Variants in PTPA observed in about 807,000 individuals in gnomAD.
The protein encoded by PTPA is serine/threonine-protein phosphatase 2A activator.
A neutral mutation model predicts 43.6 loss-of-function variants in PTPA; 13 were observed. That is an observed-to-expected ratio of 0.30 (90% confidence interval 0.19 to 0.47). The LOEUF is 0.47. Ranked by LOEUF, PTPA falls within the 20% of genes least tolerant of loss-of-function variation. PTPA has a pLI of 0.99. For synonymous variants in PTPA, 172 were observed against 158.2 expected, an observed-to-expected ratio of 1.09 and a Z score of -0.66; for missense variants, 329 against 411.9, an observed-to-expected ratio of 0.80 and a Z score of 1.74.
In PTPA at chr9:129,142,533, T is replaced by C. The variant is rs774016501; in HGVS notation, c.875T>C (p.Ile292Thr). ...PSWSKVNQGL[I>T]RMYKAECLEK... Reference sequence around the variant, plus strand: ...TGGTCCAAAGTGAACCAGGGTCTCATCCGCATGTATAAGGCCGAGGTGAGT... The same window carrying C: ...TGGTCCAAAGTGAACCAGGGTCTCACCCGCATGTATAAGGCCGAGGTGAGT... Residue 292 changes from isoleucine to threonine, a missense_variant, in exon 9 of 10, where the codon ATC becomes ACC. Transcript: ENST00000393370. The C allele has an allele frequency of 6.2e-7, 1 of 1,614,096 alleles. No individual in the cohort carries two copies. Among genetic ancestry groups the C allele is most frequent in the African/African-American group, 1.3e-5 (1 of 75,024 alleles).
At chr9:129,110,954 A>C (rs540751666), upstream of PTPA, 43 of 1,361,010 alleles carry the variant, frequency 3.2e-5, no homozygotes, top group East Asian at 1.8e-3. The surrounding 1 kb of genome is among the most constrained non-coding windows in gnomAD (Gnocchi z 5.3). Context: ...CGAGTCATTG[A>C]GACCTGTGGA....
At position 129,120,559 on chromosome 9, in the gene PTPA, A is replaced by G; in HGVS notation, c.78A>G (p.Pro26=). ...APPATQNFII[P]KKEIHTVPDM... ...CAGCCACTCAGAACTTCATCATTCC[A>G]AAAAAGGAGATCCACACAGTTCCAG... Residue 26 remains proline, a synonymous_variant, in exon 2 of 10, where the codon CCA becomes CCG. Transcript: ENST00000393370. The G allele has an allele frequency of 1.2e-6, 2 of 1,606,626 alleles. No individual in the cohort carries two copies. Among genetic ancestry groups the G allele is most frequent in the Non-Finnish European group, 1.7e-6 (2 of 1,176,542 alleles).
At chr9:129,113,840 T>C (rs931253621) in intron 1 of PTPA, among the ~76,000 whole-genome samples, 4 of 151,982 alleles carry the variant, frequency 2.6e-5, no homozygotes, top group Non-Finnish European at 5.9e-5. Context: ...AGGCAACCAC[T>C]GTTATCAGTG....
intron 9 of PTPA, among the ~76,000 whole-genome samples, 184 bp from the exon 10 acceptor site, chr9:129,147,203 G>A (rs1022410206): frequency 1.7e-4 from 26 of 152,052 alleles, no homozygotes; most frequent in African/African-American, 6.0e-4. Context: ...CGTGGGTCTC[G>A]TTGTGGAGTG....
At chr9:129,133,201 G>A (rs1031942490) in intron 5 of PTPA, among the ~76,000 whole-genome samples, 1 of 152,252 alleles carries the variant, frequency 6.6e-6, no homozygotes, top group African/African-American at 2.4e-5. Flanking sequence ...AGGCAGATGG[G>A]GCACCGCTCA....
intron 3 of PTPA, 89 bp downstream of exon 3, chr9:129,123,227 A>G (rs1024771565): frequency 1.7e-6 from 2 of 1,170,412 alleles, no homozygotes; most frequent in Non-Finnish European, 2.5e-6. Flanking sequence ...TAATCTCAGC[A>G]CCTTGGGAGG....
At chr9:129,145,283 A>G (rs541665337) in intron 9 of PTPA, among the ~76,000 whole-genome samples, 4 of 151,712 alleles carry the variant, frequency 2.6e-5, no homozygotes, top group African/African-American at 4.8e-5. Flanking sequence ...GTGAGCCGAG[A>G]TCATGCCACT....
chr9:129,112,408 G>A (rs1848586972), intron 1 of PTPA, among the ~76,000 whole-genome samples: 1 of 152,188 alleles, frequency 6.6e-6, no homozygotes, highest in Non-Finnish European at 1.5e-5. Flanking sequence ...CCCGACAGAG[G>A]CAAATAGGTT....
intron 1 of PTPA, among the ~76,000 whole-genome samples, chr9:129,113,129 T>C (rs1332700631): frequency 6.6e-6 from 1 of 151,720 alleles, no homozygotes; most frequent in African/African-American, 2.4e-5. Flanking sequence ...TGTCTCACTC[T>C]GTCCCCCAGG....
At position 129,111,421 on chromosome 9, in the gene PTPA, A is replaced by G. The variant is rs528248246; in HGVS notation, c.-180A>G. 8.2e-5 allele frequency: 101 copies of G among 1,234,250 alleles called. No individual in the cohort carries two copies. Among genetic ancestry groups the G allele is most frequent in the Non-Finnish European group, 1.0e-4 (100 of 980,912 alleles). The allele number at this position is 1,234,250 out of a possible 1,614,324, so 76.5% of individuals were successfully genotyped here. ...TGCTCCCTGAGCGCCCCGCACCGAC[A>G]TGGCGGCCGTCTTCGCTGTGGTGAC... On this transcript the variant is annotated 5_prime_UTR_variant, in exon 1 of 10. An upstream start codon of the reference 5' UTR is lost. Transcript: ENST00000393370.
chr9:129,134,599 CG>C (rs1341063401), intron 5 of PTPA, among the ~76,000 whole-genome samples, 195 bp from the exon 6 acceptor site: 1 of 152,112 alleles, frequency 6.6e-6, no homozygotes, highest in South Asian at 2.1e-4. Flanking sequence ...CCACCATGCA[CG>C]GCCAGTACTG....
chr9:129,119,152 A>C (rs1849086098), intron 1 of PTPA: 1 of 164,036 alleles, frequency 6.1e-6, no homozygotes, highest in Admixed American at 6.5e-5. Flanking sequence ...GTATGCAACC[A>C]CACCCAGCTA....
At position 129,120,467 on chromosome 9, in the gene PTPA, G is replaced by A. The variant is rs202239311; in HGVS notation, c.32-46G>A. 7 of 1,351,094 alleles carry A rather than the reference G, an allele frequency of 5.2e-6. No individual in the cohort carries two copies. The Admixed American group carries it at 1.1e-4, about 21-fold the overall frequency. The allele number at this position is 1,351,094 out of a possible 1,614,324, so 83.7% of individuals were successfully genotyped here. The stretch of plus-strand genomic sequence containing the variant: ...TGAAAGGGAGTGTGTGTGTTGTAGG[G>A]GAGGATTCTATTTATCTGTTTGTTT... On this transcript the variant is annotated intron_variant, in intron 1 of 9. Coordinates refer to ENST00000393370, the MANE Select transcript of PTPA (RefSeq NM_178000.3).
In PTPA at chr9:129,136,585, G is replaced by C; in HGVS notation, c.675G>C (p.Ser225=). Residue 225 remains serine (S), a synonymous_variant, in exon 7 of 10, where the codon TCG becomes TCC. Transcript: ENST00000393370. ...TTCTGCCCTTCATCTGGGGCAGTTC[G>C]CAGCTGATAGGTACTAGAGCGGGAG... ...FQFLPFIWGS[S]QLIDHPYLEP... is the part of the protein sequence containing the mutation. 6.2e-7 allele frequency: 1 copy of C among 1,612,710 alleles called. No homozygotes were observed. Among genetic ancestry groups the C allele is most frequent in the East Asian group, 2.2e-5 (1 of 44,804 alleles).
intron 1 of PTPA, 90 bp from the exon 2 acceptor site, chr9:129,120,423 T>G: frequency 1.2e-6 from 1 of 832,812 alleles, no homozygotes; most frequent in Non-Finnish European, 1.8e-6. Context: ...AAACTCCGTC[T>G]CAAGAAAAAA....
chr9:129,136,618 T>G, intron 7 of PTPA, 23 bp downstream of exon 7: 2 of 1,595,120 alleles, frequency 1.3e-6, no homozygotes, highest in Non-Finnish European at 1.7e-6. Flanking sequence ...GAGGTGCCTA[T>G]CCCTCCACCC....
At chr9:129,118,051 CTT>C (rs36010420) in intron 1 of PTPA, among the ~76,000 whole-genome samples, 142 of 141,268 alleles carry the variant, frequency 1.0e-3, no homozygotes, top group Non-Finnish European at 9.2e-4. Context: ...TGAGTTGTTT[CTT>C]TTTTTTTTTT....
chr9:129,120,489 G>GT, intron 1 of PTPA, 24 bp from the exon 2 acceptor site: 1 of 1,539,396 alleles, frequency 6.5e-7, no homozygotes, highest in South Asian at 1.1e-5. Flanking sequence ...TTATCTGTTT[G>GT]TTTTTTCATT....
chr9:129,128,001 CA>C, intron 3 of PTPA: 1 of 1,346,006 alleles, frequency 7.4e-7, no homozygotes, highest in Non-Finnish European at 9.9e-7. Context: ...GAGCAGGCTG[CA>C]AAGCAGAGTG....
Sources: gnomAD v4.1 joint callset for allele counts (sites outside exome capture counted in the v4.1 genomes callset) on GRCh38, gnomAD v4.1.1 for gene constraint, Gnocchi (gnomAD v3.1) non-coding constraint, MANE v1.5 for transcripts, NCBI Gene and HGNC (gene_info 2026-07-23, HGNC 2026-07-21) for gene names.